The following CAMTA1 variants were observed in gnomAD, a reference collection of about 807,000 sequenced individuals.
The protein encoded by CAMTA1 is calmodulin binding transcription activator 1.
Under a neutral mutation model 170.9 loss-of-function variants are expected in CAMTA1, and 27 were observed. That is an observed-to-expected ratio of 0.16 (90% CI 0.12 to 0.22). The LOEUF (loss-of-function observed/expected upper bound fraction) is 0.22. Among genes scored for constraint, CAMTA1 ranks in the 10% least tolerant of loss-of-function variants. The pLI, the probability that CAMTA1 is intolerant of heterozygous loss-of-function variation, is 1.00. For missense variants in CAMTA1, 1,619 were observed against 2,217.2 expected (o/e 0.73, Z 5.42); for synonymous variants, 833 against 891.5 (o/e 0.93, Z 1.17).
intron 3 of CAMTA1, among the ~76,000 whole-genome samples, chr1:7,034,570 T>G (rs1043389576): frequency 2.6e-5 from 4 of 152,116 alleles, no homozygotes; most frequent in Non-Finnish European, 5.9e-5. Context: ...AGCTCTGGAG[T>G]TCTCTGTGTG....
chr1:6,933,472 C>A (rs1032614219), intron 3 of CAMTA1, among the ~76,000 whole-genome samples: 3 of 152,096 alleles, frequency 2.0e-5, no homozygotes, highest in African/African-American at 7.2e-5. Flanking sequence ...GTTGGCCAGG[C>A]TGGTCTGTAA....
At chr1:7,270,238 TATACATAC>T (rs1558335827) in intron 5 of CAMTA1, among the ~76,000 whole-genome samples, 5 of 72,082 alleles carry the variant, frequency 6.9e-5, no homozygotes, top group African/African-American at 3.6e-4. Flanking sequence ...TATACACATA[TATACATAC>T]ACACACACAC....
At chr1:7,312,833 T>C (rs1404677538) in intron 5 of CAMTA1, among the ~76,000 whole-genome samples, 1 of 152,234 alleles carries the variant, frequency 6.6e-6, no homozygotes. Flanking sequence ...TTTGTGCCTT[T>C]CCTGAGCTTT....
chr1:7,459,641 C>T (rs2093037153), intron 5 of CAMTA1, among the ~76,000 whole-genome samples: 1 of 152,216 alleles, frequency 6.6e-6, no homozygotes. Context: ...CAGATCTGCC[C>T]TCCAGGCTGC....
At chr1:6,994,011 G>T (rs992148347) in intron 3 of CAMTA1, among the ~76,000 whole-genome samples, 6 of 152,004 alleles carry the variant, frequency 3.9e-5, no homozygotes, top group Non-Finnish European at 8.8e-5. Flanking sequence ...TTGCACTAGG[G>T]AATGTAATGT....
At position 7,496,559 on chromosome 1, in the gene CAMTA1, C is replaced by T. The variant is rs529333753; in HGVS notation, c.510+28658C>T. On this transcript the variant is annotated intron_variant, in intron 6 of 22. Transcript: ENST00000303635. ...CTGCCCTGTACCCAGGTGGCTGCAA[C>T]GCCTCAGATGCAGCAATGTTCCCCT... Among the ~76,000 whole-genome samples the T allele has an allele frequency of 1.4e-4, 21 of 152,312 alleles. No homozygotes were observed. In the South Asian group the frequency reaches 2.5e-3, roughly 18 times the overall value.
intron 6 of CAMTA1, among the ~76,000 whole-genome samples, chr1:7,492,670 C>CACACACAT (rs139945201): frequency 0.62 from 86,598 of 139,908 alleles, 27,041 homozygotes; most frequent in East Asian, 0.82. Context: ...AACATACGAA[C>CACACACAT]ACACACACAC....
intron 4 of CAMTA1, among the ~76,000 whole-genome samples, chr1:7,172,473 G>A (rs1649845841): frequency 6.6e-6 from 1 of 152,070 alleles, no homozygotes; most frequent in Admixed American, 6.5e-5. Context: ...TAATCCAGGA[G>A]AGCTTCTAGG....
intron 5 of CAMTA1, among the ~76,000 whole-genome samples, chr1:7,298,644 T>A (rs1192645843): frequency 3.9e-5 from 6 of 152,194 alleles, no homozygotes; most frequent in Admixed American, 2.0e-4. Context: ...ATTTTACCAC[T>A]TCTCTCTGGG....
chr1:7,128,831 CTTTTTTTT>C (rs34180837), intron 4 of CAMTA1, among the ~76,000 whole-genome samples: 1 of 61,320 alleles, frequency 1.6e-5, no homozygotes, highest in Non-Finnish European at 2.9e-5. Flanking sequence ...GCTCCCCCTC[CTTTTTTTT>C]TTTTTTTTTT....
chr1:7,083,442 G>C (rs368261461), intron 3 of CAMTA1, among the ~76,000 whole-genome samples: 19 of 152,318 alleles, frequency 1.2e-4, no homozygotes, highest in Admixed American at 7.8e-4. Context: ...ACCTGTGGGT[G>C]GGGGGTCCGG....
chr1:7,545,554 C>T (rs2094680275), intron 6 of CAMTA1, among the ~76,000 whole-genome samples: 1 of 152,134 alleles, frequency 6.6e-6, no homozygotes, highest in Non-Finnish European at 1.5e-5. Context: ...TAAGGCTGCC[C>T]CTCAGTTTGG....
intron 11 of CAMTA1, among the ~76,000 whole-genome samples, chr1:7,699,238 AG>A: frequency 6.6e-6 from 1 of 152,248 alleles, no homozygotes; most frequent in Admixed American, 6.5e-5. Context: ...TCATCCCCCA[AG>A]AAACATCCTG....
chr1:7,337,545 G>T (rs9725335), intron 5 of CAMTA1, among the ~76,000 whole-genome samples: 132,972 of 139,542 alleles, frequency 0.95, 63,252 homozygotes, highest in East Asian at 0.99. Context: ...GCCGTGGGCT[G>T]CATCCAATCA....
At chr1:7,439,599 G>A (rs943049378) in intron 5 of CAMTA1, among the ~76,000 whole-genome samples, 13 of 152,204 alleles carry the variant, frequency 8.5e-5, no homozygotes, top group Non-Finnish European at 1.8e-4. Context: ...TCAAGCCTGC[G>A]CATGGTACGG....
intron 4 of CAMTA1, among the ~76,000 whole-genome samples, chr1:7,160,423 T>G (rs964520205): frequency 8.5e-5 from 13 of 152,108 alleles, no homozygotes; most frequent in African/African-American, 2.9e-4. Flanking sequence ...TTCTCAGTCC[T>G]CGTTTCTTTG....
chr1:7,018,024 G>A (rs1301528781), intron 3 of CAMTA1, among the ~76,000 whole-genome samples: 3 of 151,578 alleles, frequency 2.0e-5, no homozygotes, highest in African/African-American at 4.9e-5. Flanking sequence ...GCACAGTGGT[G>A]CGATCTTGGC....
Position 7,300,899 on chromosome 1 carries a change from A to G in CAMTA1, c.438+51273A>G, listed in dbSNP as rs1017277260. On this transcript the variant is annotated intron_variant, in intron 5 of 22. Transcript: ENST00000303635. The surrounding 1 kb of genome is among the most constrained non-coding windows in gnomAD (Gnocchi z 4.1). ...ATAAACTTTTATTTATCATGACAGC[A>G]AGTCATAAAGTTCTCTTACTAGAAT... Among the ~76,000 whole-genome samples the G allele has an allele frequency of 5.3e-5, 8 of 152,232 alleles. No individual in the cohort carries two copies. Among genetic ancestry groups the G allele is most frequent in the Non-Finnish European group, 8.8e-5 (6 of 68,044 alleles).
Position 7,664,574 on chromosome 1 carries a change from A to T in CAMTA1, c.2027A>T (p.Gln676Leu). The T allele has an allele frequency of 6.2e-7, 1 of 1,613,022 alleles. No homozygotes were observed. The highest frequency in any genetic ancestry group is 2.2e-5 in the East Asian group (1 of 44,858). Residue 676 changes from glutamine to leucine, a missense_variant, in exon 9 of 23, where the codon CAG becomes CTG. This residue lies in a region of CAMTA1 where 731 missense variants were observed against 907.6 expected (regional missense o/e 0.81). Coordinates refer to ENST00000303635, the MANE Select transcript of CAMTA1 (RefSeq NM_015215.4). ...TCCACTTCCTCCCTCCACCTCATGC[A>T]GTTCCAGGCCAACTTCCAGGCCATG... is the stretch of plus-strand genomic sequence containing the variant. ...IESTSSLHLM[Q>L]FQANFQAMTA...
Sources: gnomAD v4.1 joint callset for allele counts (sites outside exome capture counted in the v4.1 genomes callset) on GRCh38, gnomAD v4.1.1 for gene constraint, gnomAD v4.1.1 regional missense constraint, Gnocchi (gnomAD v3.1) non-coding constraint, MANE v1.5 for transcripts, NCBI Gene and HGNC (gene_info 2026-07-23, HGNC 2026-07-21) for gene names.